VPS50: variants seen among roughly 807,000 people sequenced by gnomAD.
VPS50 encodes syndetin.
VPS50 carries 70 observed loss-of-function variants against 139.7 expected under a neutral mutation model. That is an observed-to-expected ratio of 0.50 (90% CI 0.41 to 0.61). The LOEUF (loss-of-function observed/expected upper bound fraction) is 0.61, where lower values mean the gene tolerates loss of function less well. Among genes scored for constraint, VPS50 ranks in the 20% least tolerant of loss-of-function variants. The pLI, the probability that VPS50 is intolerant of heterozygous loss-of-function variation, is 0.00. For synonymous variants in VPS50, 365 were observed against 376.7 expected (o/e 0.97, Z 0.36); for missense variants, 921 against 1,133.7 (o/e 0.81, Z 2.69).
chr7:93,280,897 G>GTA (rs375450517), intron 12 of VPS50, among the ~76,000 whole-genome samples: 410 of 150,206 alleles, frequency 2.7e-3, no homozygotes, highest in Non-Finnish European at 4.2e-3. Context: ...TACTCTCTCT[G>GTA]TATATATATA....
chr7:93,266,003 C>T (rs1431571129), intron 9 of VPS50, among the ~76,000 whole-genome samples: 1 of 152,140 alleles, frequency 6.6e-6, no homozygotes, highest in African/African-American at 2.4e-5. Flanking sequence ...CTTCATGGTA[C>T]TTAAGAGTTG....
At chr7:93,281,007 T>G (rs2116908908) in intron 12 of VPS50, among the ~76,000 whole-genome samples, 1 of 152,304 alleles carries the variant, frequency 6.6e-6, no homozygotes, top group South Asian at 2.1e-4. Flanking sequence ...GTTTTCATAG[T>G]GTCTGGCACA....
intron 1 of VPS50, among the ~76,000 whole-genome samples, chr7:93,234,746 A>T (rs374912551): frequency 2.0e-5 from 3 of 152,208 alleles, no homozygotes; most frequent in Non-Finnish European, 4.4e-5. Flanking sequence ...AAGGTCTGTG[A>T]AATTTAAGCT....
chr7:93,272,090 A>G (rs1397799641), intron 10 of VPS50, among the ~76,000 whole-genome samples: 1 of 151,782 alleles, frequency 6.6e-6, no homozygotes, highest in African/African-American at 2.4e-5. Flanking sequence ...CTTTTAATAG[A>G]TATTATTCTG....
At chr7:93,328,112 C>G (rs1460009145) in intron 21 of VPS50, among the ~76,000 whole-genome samples, 1 of 152,188 alleles carries the variant, frequency 6.6e-6, no homozygotes, top group Non-Finnish European at 1.5e-5. Context: ...TATTTTATAT[C>G]TGATCCATTG....
chr7:93,285,125 C>T (rs892029487), intron 12 of VPS50, among the ~76,000 whole-genome samples: 29 of 152,146 alleles, frequency 1.9e-4, no homozygotes, highest in African/African-American at 6.8e-4. Context: ...ATAGTACTAA[C>T]AGCATTCATC....
chr7:93,319,363 G>T (rs948814265), intron 20 of VPS50, among the ~76,000 whole-genome samples: 5 of 152,112 alleles, frequency 3.3e-5, no homozygotes, highest in African/African-American at 1.2e-4. Context: ...CTGCTACTTG[G>T]TTTCTTGGCC....
At position 93,311,280 on chromosome 7, in the gene VPS50, G is replaced by A. The variant is rs1166154777; in HGVS notation, c.1855+8G>A. 1.0e-6 allele frequency: 1 copy of A among 967,048 alleles called. No homozygotes were observed. Among genetic ancestry groups the A allele is most frequent in the Admixed American group, 1.9e-5 (1 of 51,578 alleles). 59.9% of individuals were successfully genotyped at this position (967,048 alleles called of 1,614,324 possible). ...ACGTCATAAGACTTGTTGGTAAGTA[G>A]CTACACCTTTAAAAAAAATTATAAC... On this transcript the variant is annotated splice_region_variant and intron_variant, in intron 20 of 27. Coordinates refer to ENST00000305866, the MANE Select transcript of VPS50 (RefSeq NM_017667.4).
intron 21 of VPS50, among the ~76,000 whole-genome samples, chr7:93,330,902 T>C (rs1797921462): frequency 6.6e-6 from 1 of 151,568 alleles, no homozygotes; most frequent in Non-Finnish European, 1.5e-5. Context: ...CCCTAAGGAA[T>C]CCACAAATAA....
intron 2 of VPS50, among the ~76,000 whole-genome samples, chr7:93,249,555 G>T (rs1212707653): frequency 6.6e-6 from 1 of 152,020 alleles, no homozygotes; most frequent in Non-Finnish European, 1.5e-5. Context: ...TGAATTTCTG[G>T]CTTGGCTCTA....
chr7:93,244,433 G>A lies in VPS50; in HGVS notation c.102+4499G>A, dbSNP rs1158436696. ...CTTGAATCACAGTCAAGAGACATAG[G>A]TTGAAGTATTGACTTAAACATACAG... On this transcript the variant is annotated intron_variant, in intron 2 of 27. Transcript: ENST00000305866. Among the ~76,000 whole-genome samples, 8 of 151,954 alleles carry A rather than the reference G, an allele frequency of 5.3e-5. No homozygotes were observed. The East Asian group carries it at 1.4e-3, about 26-fold the overall frequency.
At position 93,348,693 on chromosome 7, in the gene VPS50, G is replaced by C; in HGVS notation, c.2208-18G>C. The C allele has an allele frequency of 6.5e-7, 1 of 1,527,070 alleles. No homozygotes were observed. The highest frequency in any genetic ancestry group is 9.1e-7 in the Non-Finnish European group (1 of 1,102,490). The allele number at this position is 1,527,070 out of a possible 1,614,324, so 94.6% of individuals were successfully genotyped here. ...CCTACACAATTTGTTTACACAGTGG[G>C]TTATTTATTCCCTTTAGGGTATTCT... On this transcript the variant is annotated intron_variant, in intron 23 of 27. Transcript: ENST00000305866.
chr7:93,243,710 A>G (rs534631618), intron 2 of VPS50, among the ~76,000 whole-genome samples: 11 of 152,084 alleles, frequency 7.2e-5, no homozygotes, highest in African/African-American at 2.4e-4. Context: ...GAATACAACT[A>G]GTATTTGTTA....
intron 23 of VPS50, 90 bp from the exon 24 acceptor site, chr7:93,348,621 C>A: frequency 2.3e-6 from 2 of 882,390 alleles, no homozygotes; most frequent in South Asian, 1.6e-5. Flanking sequence ...AAGTTTTGCT[C>A]AGAAATGTTA....
rs139160602 is a variant in VPS50 at position 93,267,962 on chromosome 7, G to T, written c.660-3258G>T. On this transcript the variant is annotated intron_variant, in intron 9 of 27. Transcript: ENST00000305866. ...TTAGTTTAATAGGGAGCCACCAAAAGATTTAAAGCAGGAGATTAATGTGGT... is the reference window on the plus strand; with the variant it reads ...TTAGTTTAATAGGGAGCCACCAAAATATTTAAAGCAGGAGATTAATGTGGT... Among the ~76,000 whole-genome samples the T allele has an allele frequency of 5.3e-5, 8 of 152,320 alleles. No individual in the cohort carries two copies. In the East Asian group the frequency reaches 1.4e-3, roughly 26 times the overall value.
chr7:93,298,557 GGT>G (rs1383030609), intron 16 of VPS50, among the ~76,000 whole-genome samples: 1 of 152,096 alleles, frequency 6.6e-6, no homozygotes, highest in Non-Finnish European at 1.5e-5. Context: ...TGGTGTTCCT[GGT>G]GTCTAGGATG....
chr7:93,252,805 AG>A (rs1388842335), intron 3 of VPS50, 30 bp downstream of exon 3: 2 of 1,545,722 alleles, frequency 1.3e-6, no homozygotes, highest in Non-Finnish European at 8.8e-7. Context: ...AACATAACTA[AG>A]GCCTGTTTTG....
At chr7:93,336,193 G>T (rs1334628374) in intron 22 of VPS50, among the ~76,000 whole-genome samples, 1 of 152,112 alleles carries the variant, frequency 6.6e-6, no homozygotes, top group Middle Eastern at 3.2e-3. Context: ...TTGCACGTCA[G>T]TTAAAATCTT....
At chr7:93,338,226 A>G (rs1798117558) in intron 22 of VPS50, among the ~76,000 whole-genome samples, 1 of 152,188 alleles carries the variant, frequency 6.6e-6, no homozygotes, top group South Asian at 2.1e-4. Flanking sequence ...AGCTATCTTT[A>G]TTACTAATTC....
Sources: allele counts gnomAD v4.1 joint callset (sites outside exome capture counted in the v4.1 genomes callset), GRCh38; gene constraint gnomAD v4.1.1; transcripts MANE v1.5; gene names NCBI Gene and HGNC (gene_info 2026-07-23, HGNC 2026-07-21).